Variants in CUBN observed in about 807,000 individuals in gnomAD.
CUBN encodes the protein cubilin.
A neutral mutation model predicts 405.3 loss-of-function variants in CUBN; 282 were observed. The observed-to-expected ratio is 0.70, with a 90% CI of 0.63 to 0.77. CUBN has a LOEUF of 0.77. Ranked by LOEUF, CUBN falls within the 30% of genes least tolerant of loss-of-function variation. The pLI, the probability that CUBN is intolerant of heterozygous loss-of-function variation, is 0.00. For synonymous variants in CUBN, 1,684 were observed against 1,617.0 expected, an observed-to-expected ratio of 1.04 and a Z score of -0.99; for missense variants, 4,514 against 4,475.2, an observed-to-expected ratio of 1.01 and a Z score of -0.25.
chr10:16,975,624 CTTTTTTTTTT>C (rs199779818), intron 31 of CUBN, among the ~76,000 whole-genome samples: 8,403 of 124,670 alleles, frequency 0.067, 313 homozygotes, highest in Middle Eastern at 0.093. Flanking sequence ...TAAAGACCTT[CTTTTTTTTTT>C]TTTTTTTTTT....
chr10:17,084,349 G>T lies in CUBN; in HGVS notation c.2223C>A (p.Pro741=). The change falls in exon 17 of 67, where the codon CCC becomes CCA. Residue 741 remains proline, a synonymous_variant. Transcript: ENST00000377833. The part of the protein sequence containing the change: ...TRQCVYMMKQ[P]QGEQIQINFT... ...AGTTGATTTGTATTTGTTCTCCCTG[G>T]GGCTGCTTCATCATATAGACGCATT... is the stretch of plus-strand genomic sequence containing the variant. 1.2e-6 allele frequency: 2 copies of T among 1,614,096 alleles called. No individual in the cohort carries two copies. Among genetic ancestry groups the T allele is most frequent in the East Asian group, 4.5e-5 (2 of 44,878 alleles).
intron 28 of CUBN, among the ~76,000 whole-genome samples, chr10:17,010,881 G>A (rs1259968386): frequency 1.3e-5 from 2 of 152,166 alleles, no homozygotes; most frequent in African/African-American, 4.8e-5. Context: ...ACTCCTAAGT[G>A]TATAATAGGG....
intron 27 of CUBN, among the ~76,000 whole-genome samples, chr10:17,034,663 A>C (rs2131807828): frequency 6.6e-6 from 1 of 152,336 alleles, no homozygotes; most frequent in South Asian, 2.1e-4. Context: ...GAATGCAGCC[A>C]GATTTGGTAG....
At chr10:16,831,656 A>T (rs1205335983) in intron 64 of CUBN, among the ~76,000 whole-genome samples, 1 of 152,240 alleles carries the variant, frequency 6.6e-6, no homozygotes, top group Non-Finnish European at 1.5e-5. Flanking sequence ...CTGTTAACCT[A>T]CAGCAATTAA....
chr10:16,837,018 A>T (rs1259726306), intron 62 of CUBN, among the ~76,000 whole-genome samples: 1 of 151,924 alleles, frequency 6.6e-6, no homozygotes, highest in African/African-American at 2.4e-5. Context: ...GAATGTCTCT[A>T]ATATCTGCAG....
rs538084447 is a variant in CUBN at position 16,840,173 on chromosome 10, T to C, written c.10032+157A>G. ...CACCAACATGGCACATGTATACATA[T>C]GTAACAAACTTGCACATTGTGCGCA... On this transcript the variant is annotated intron_variant, in intron 62 of 66. Transcript: ENST00000377833. Among the ~76,000 whole-genome samples, 7 of 152,068 alleles carry C rather than the reference T, an allele frequency of 4.6e-5. No individual in the cohort carries two copies. The South Asian group carries it at 6.2e-4, about 14-fold the overall frequency.
intron 60 of CUBN, among the ~76,000 whole-genome samples, chr10:16,846,171 T>C (rs1839503028): frequency 6.6e-6 from 1 of 152,204 alleles, no homozygotes; most frequent in South Asian, 2.1e-4. Flanking sequence ...CTGTACTTTG[T>C]TTGGTTTAGA....
At position 16,933,254 on chromosome 10, in the gene CUBN, T is replaced by A. The variant is rs772570411; in HGVS notation, c.5957A>T (p.Asp1986Val). The stretch of plus-strand genomic sequence containing the variant: ...CGGGGAGAAGAGAAACACGGGTGCA[T>A]CTCCCGTCCTCAGGAAGCCACCACA... ...GACGGFLRTG[D>V]APVFLFSPGW... Residue 1986 changes from aspartate to valine, a missense_variant, in exon 40 of 67, where the codon GAT becomes GTT. This residue lies in a region of CUBN where 1,613 missense variants were observed against 1,542.8 expected (regional missense o/e 1.05). Coordinates refer to ENST00000377833, the MANE Select transcript of CUBN (RefSeq NM_001081.4). 60 of 1,613,610 alleles carry A rather than the reference T, an allele frequency of 3.7e-5. No homozygotes were observed. The highest frequency in any genetic ancestry group is 5.1e-6 in the Non-Finnish European group (6 of 1,179,956).
chr10:16,874,957 C>G (rs1840457456), intron 57 of CUBN, among the ~76,000 whole-genome samples: 1 of 152,124 alleles, frequency 6.6e-6, no homozygotes, highest in African/African-American at 2.4e-5. Context: ...CCTGTCTCTC[C>G]TGTCAGGGAT....
rs1327843496 is a variant in CUBN, at chr10:16,947,313, G to A, written c.5264C>T (p.Pro1755Leu). 2 of 1,614,046 alleles carry A rather than the reference G, an allele frequency of 1.2e-6. No homozygotes were observed. The highest frequency in any genetic ancestry group is 1.7e-6 in the Non-Finnish European group (2 of 1,179,934). The change falls in exon 36 of 67, where the codon CCA (proline) becomes CTA (leucine). Residue 1755 changes from proline to leucine, a missense_variant. Coordinates refer to ENST00000377833, the MANE Select transcript of CUBN (RefSeq NM_001081.4). ...AEGIFNSPGYPDIYPPNVECV... is the reference protein window; with the variant it reads ...AEGIFNSPGYLDIYPPNVECV... ...TTCCACATTAGGGGGATAAATGTCT[G>A]GGTAGCCAGGGCTGTTGAAGATGCC...
At position 16,997,343 on chromosome 10, in the gene CUBN, G is replaced by A. The variant is rs1006932047; in HGVS notation, c.4169-6828C>T. ...CCAGCTACTCAGGAGGCTGAGGCAG[G>A]AGAATCACTTGAACCCAAGAAGTGG... On this transcript the variant is annotated intron_variant, in intron 28 of 66. Transcript: ENST00000377833. Among the ~76,000 whole-genome samples the A allele has an allele frequency of 2.0e-5, 3 of 151,422 alleles. No individual in the cohort carries two copies. In the East Asian group the frequency reaches 5.9e-4, roughly 30 times the overall value.
chr10:17,030,135 TCTAA>T (rs1834758227), intron 27 of CUBN, among the ~76,000 whole-genome samples: 1 of 152,188 alleles, frequency 6.6e-6, no homozygotes, highest in Non-Finnish European at 1.5e-5. Context: ...AGTGGTACTG[TCTAA>T]TGCAGGAAAC....
chr10:17,011,167 TA>T (rs1834169617), intron 28 of CUBN, among the ~76,000 whole-genome samples: 2 of 152,236 alleles, frequency 1.3e-5, no homozygotes, highest in Admixed American at 1.3e-4. Flanking sequence ...GTTCCAGGGC[TA>T]GATCACTCTA....
intron 43 of CUBN, among the ~76,000 whole-genome samples, chr10:16,921,491 C>G (rs1185050524): frequency 3.3e-5 from 5 of 152,164 alleles, no homozygotes; most frequent in Non-Finnish European, 5.9e-5. Context: ...TATGAAAGCA[C>G]TCATGTTCTC....
At chr10:17,123,731 A>G (rs771957624) in intron 4 of CUBN, 42 bp from the exon 5 acceptor site, 3 of 1,422,134 alleles carry the variant, frequency 2.1e-6, no homozygotes, top group African/African-American at 2.8e-5. Flanking sequence ...ACTTGCAGTC[A>G]GCAGCAACAA....
chr10:17,008,238 G>GTGT (rs1554809152), intron 28 of CUBN, among the ~76,000 whole-genome samples: 4 of 80,908 alleles, frequency 4.9e-5, no homozygotes, highest in Non-Finnish European at 1.2e-4. Flanking sequence ...GCCCGTGTGT[G>GTGT]GTGTGTGTGT....
At position 16,933,210 on chromosome 10, in the gene CUBN, T is replaced by C. The variant is rs146364943; in HGVS notation, c.6001A>G (p.Ser2001Gly). 3.7e-6 allele frequency: 6 copies of C among 1,614,008 alleles called. No homozygotes were observed. The highest frequency in any genetic ancestry group is 2.7e-5 in the African/African-American group (2 of 74,922). ...LFSPGWPDSYSNRVDCTWLIQ... is the reference protein window; with the variant it reads ...LFSPGWPDSYGNRVDCTWLIQ... Reference sequence around the variant, plus strand: ...AGCCACGTACAGTCCACTCTATTACTGTAACTGTCAGGCCAGCCCGGGGAG... The same window carrying C: ...AGCCACGTACAGTCCACTCTATTACCGTAACTGTCAGGCCAGCCCGGGGAG... The change falls in exon 40 of 67, where the codon AGT (serine) becomes GGT (glycine). Residue 2001 changes from serine (S) to glycine (G), a missense_variant. By Grantham distance (56) the Ser-to-Gly change is moderately conservative. Coordinates refer to ENST00000377833, the MANE Select transcript of CUBN (RefSeq NM_001081.4).
intron 13 of CUBN, among the ~76,000 whole-genome samples, chr10:17,101,156 T>G (rs1318430069): frequency 6.6e-6 from 1 of 152,186 alleles, no homozygotes; most frequent in Non-Finnish European, 1.5e-5. Context: ...TACATGACTT[T>G]CTTAAAACAG....
At chr10:17,064,442 A>G (rs762732368) in intron 22 of CUBN, among the ~76,000 whole-genome samples, 1 of 152,162 alleles carries the variant, frequency 6.6e-6, no homozygotes, top group Non-Finnish European at 1.5e-5. Context: ...AGTGTGTCAC[A>G]GGGTGCATGT....
Sources: allele counts gnomAD v4.1 joint callset (sites outside exome capture counted in the v4.1 genomes callset), GRCh38; gene constraint gnomAD v4.1.1; regional missense constraint gnomAD v4.1.1; transcripts MANE v1.5; gene names NCBI Gene and HGNC (gene_info 2026-07-23, HGNC 2026-07-21).